LPXN: variants seen among roughly 807,000 people sequenced by gnomAD.
LPXN encodes the protein leupaxin.
LPXN carries 28 observed loss-of-function variants against 45.6 expected under a neutral mutation model. That is an observed-to-expected ratio of 0.61 (90% CI 0.45 to 0.84). LPXN has a LOEUF of 0.84. Among genes scored for constraint, LPXN ranks in the 40% least tolerant of loss-of-function variants. The pLI is 0.00. For synonymous variants in LPXN, 166 were observed against 169.9 expected, an observed-to-expected ratio of 0.98 and a Z score of 0.18; for missense variants, 459 against 475.0, an observed-to-expected ratio of 0.97 and a Z score of 0.31.
chr11:58,573,208 T>C (rs1854762637), intron 1 of LPXN, among the ~76,000 whole-genome samples: 2 of 145,028 alleles, frequency 1.4e-5, no homozygotes, highest in Admixed American at 7.0e-5. Flanking sequence ...ACCGTGCCAT[T>C]GCACTCCAGC....
chr11:58,576,693 G>A (rs1231315704), upstream of LPXN, among the ~76,000 whole-genome samples: 1 of 152,188 alleles, frequency 6.6e-6, no homozygotes, highest in Non-Finnish European at 1.5e-5. Flanking sequence ...TCATGTAATA[G>A]CAACTTGCTA....
chr11:58,555,118 G>GTTCTCTCTGCCTTTTTTCTCTAT (rs1186459052), intron 3 of LPXN, among the ~76,000 whole-genome samples, 178 bp from the exon 4 acceptor site: 1 of 152,106 alleles, frequency 6.6e-6, no homozygotes. Flanking sequence ...ATCTAAACAA[G>GTTCTCTCTGCCTTTTTTCTCTAT]TTCTCTCTGC....
intron 2 of LPXN, among the ~76,000 whole-genome samples, chr11:58,570,251 C>T (rs867205306): frequency 6.7e-6 from 1 of 150,010 alleles, no homozygotes; most frequent in Non-Finnish European, 1.5e-5. Context: ...TGCAGTGAGC[C>T]GAGATTGTGC....
At chr11:58,573,967 C>T (rs1271241759) in intron 1 of LPXN, among the ~76,000 whole-genome samples, 1 of 152,154 alleles carries the variant, frequency 6.6e-6, no homozygotes, top group Non-Finnish European at 1.5e-5. Flanking sequence ...ATACAAGCTG[C>T]TAGCCTCTGA....
intron 7 of LPXN, among the ~76,000 whole-genome samples, chr11:58,547,913 T>C (rs1289305412): frequency 6.6e-6 from 1 of 152,026 alleles, no homozygotes; most frequent in Non-Finnish European, 1.5e-5. Context: ...GTAAAGCAGC[T>C]TTCTGATTCC....
intron 7 of LPXN, among the ~76,000 whole-genome samples, chr11:58,531,755 A>G (rs1423592301): frequency 2.0e-5 from 3 of 152,196 alleles, no homozygotes; most frequent in Non-Finnish European, 2.9e-5. Flanking sequence ...ACACATAATC[A>G]TCAGATTCAC....
intron 2 of LPXN, among the ~76,000 whole-genome samples, chr11:58,570,217 C>T (rs1034507825): frequency 2.1e-4 from 32 of 151,548 alleles, no homozygotes; most frequent in African/African-American, 7.0e-4. Flanking sequence ...GCAGGAGAAT[C>T]GCTTGAACCT....
At chr11:58,529,009 T>C (rs1189633419) in intron 7 of LPXN, among the ~76,000 whole-genome samples, 2 of 152,314 alleles carry the variant, frequency 1.3e-5, no homozygotes, top group Middle Eastern at 3.4e-3. Context: ...AGTTTTGATT[T>C]GTATTTCCCG....
intron 4 of LPXN, 76 bp downstream of exon 4, chr11:58,554,765 C>G: frequency 2.8e-6 from 3 of 1,069,740 alleles, no homozygotes; most frequent in Non-Finnish European, 4.0e-6. Context: ...CAAAGATAAA[C>G]TGGTGACCCC....
upstream of LPXN, chr11:58,575,972 T>TA: frequency 7.1e-7 from 1 of 1,403,928 alleles, no homozygotes; most frequent in Non-Finnish European, 9.3e-7. Flanking sequence ...TACACAGTTT[T>TA]AAAAATGTGA....
intron 7 of LPXN, among the ~76,000 whole-genome samples, chr11:58,541,397 CTCAAAAGAAGACATTTATGCAG>C (rs1853717856): frequency 2.6e-5 from 4 of 152,186 alleles, no homozygotes; most frequent in Admixed American, 2.6e-4. Context: ...ACAGACACTT[CTCAAAAGAAGACATTTATGCAG>C]GCAAAAGACA....
At chr11:58,569,189 A>G (rs1854606347) in intron 2 of LPXN, among the ~76,000 whole-genome samples, 1 of 152,190 alleles carries the variant, frequency 6.6e-6, no homozygotes, top group Non-Finnish European at 1.5e-5. Context: ...GAATCAAAAT[A>G]TCATAGTACA....
chr11:58,577,947 G>C (rs1174979295), upstream of LPXN: 3 of 1,525,334 alleles, frequency 2.0e-6, no homozygotes, highest in African/African-American at 2.8e-5. Flanking sequence ...AGGGCTCCGA[G>C]GGCCCAAGGA....
At chr11:58,538,996 T>TAAA (rs977282541) in intron 7 of LPXN, among the ~76,000 whole-genome samples, 14 of 9,034 alleles carry the variant, frequency 1.5e-3, no homozygotes, top group African/African-American at 3.8e-3. Context: ...TACTTTTCTT[T>TAAA]AAAAAAAACA....
intron 7 of LPXN, among the ~76,000 whole-genome samples, chr11:58,539,126 A>G (rs1399839148): frequency 6.6e-6 from 1 of 152,160 alleles, no homozygotes; most frequent in African/African-American, 2.4e-5. Flanking sequence ...TGGGCAATGT[A>G]GTGAGACCCA....
intron 7 of LPXN, among the ~76,000 whole-genome samples, chr11:58,538,638 C>G (rs1020204054): frequency 2.6e-5 from 4 of 152,066 alleles, no homozygotes; most frequent in African/African-American, 9.7e-5. Flanking sequence ...TTCTGATGCT[C>G]TTACCATATA....
intron 2 of LPXN, among the ~76,000 whole-genome samples, chr11:58,564,536 G>A (rs912184757): frequency 2.6e-5 from 4 of 152,152 alleles, no homozygotes; most frequent in African/African-American, 9.7e-5. Flanking sequence ...TAAACAGGAT[G>A]GTGCCTAGGA....
At chr11:58,552,707 A>G (rs1162476449) in intron 4 of LPXN, among the ~76,000 whole-genome samples, 3 of 152,240 alleles carry the variant, frequency 2.0e-5, no homozygotes, top group African/African-American at 7.2e-5. Flanking sequence ...CATTTTGATC[A>G]TCTGACAGAC....
At chr11:58,578,253 T>C (rs1385713767), upstream of LPXN, 8 of 558,760 alleles carry the variant, frequency 1.4e-5, no homozygotes, top group Non-Finnish European at 2.1e-5. Flanking sequence ...CCGGAAACAC[T>C]GCCTCCCGAA....
Sources: allele counts gnomAD v4.1 joint callset (sites outside exome capture counted in the v4.1 genomes callset), GRCh38; gene constraint gnomAD v4.1.1; transcripts MANE v1.5; gene names NCBI Gene and HGNC (gene_info 2026-07-23, HGNC 2026-07-21).